The following BARX2 variants were observed in gnomAD, a reference collection of about 807,000 sequenced individuals.
BARX2 encodes BARX homeobox 2, also known as homeobox protein BarH-like 2.
A neutral mutation model predicts 25.5 loss-of-function variants in BARX2; 11 were observed. That is an observed-to-expected ratio of 0.43 (90% CI 0.27 to 0.71). BARX2 has a LOEUF of 0.71. Ranked by LOEUF, BARX2 falls within the 30% of genes least tolerant of loss-of-function variation. The pLI is 0.19. For synonymous variants in BARX2, 137 were observed against 149.5 expected (o/e 0.92, Z 0.61); for missense variants, 360 against 359.9 (o/e 1.00, Z 0.00).
intron 1 of BARX2, among the ~76,000 whole-genome samples, chr11:129,423,913 G>A (rs1862036365): frequency 6.7e-6 from 1 of 149,992 alleles, no homozygotes; most frequent in Admixed American, 6.6e-5. Context: ...AGGCTGGAGT[G>A]CAGTTGGCTC....
At chr11:129,399,365 T>TTC (rs148258067) in intron 1 of BARX2, among the ~76,000 whole-genome samples, 2 of 151,940 alleles carry the variant, frequency 1.3e-5, no homozygotes, top group East Asian at 3.9e-4. Flanking sequence ...TCTAGAGACC[T>TTC]TCTCTCTCTC....
intron 1 of BARX2, among the ~76,000 whole-genome samples, chr11:129,377,335 C>G (rs1032065102): frequency 6.6e-6 from 1 of 152,132 alleles, no homozygotes; most frequent in Non-Finnish European, 1.5e-5. Context: ...CATTGATAGT[C>G]CCTATATGAC....
At chr11:129,384,531 A>T (rs1191234005) in intron 1 of BARX2, among the ~76,000 whole-genome samples, 4 of 152,180 alleles carry the variant, frequency 2.6e-5, no homozygotes, top group African/African-American at 9.7e-5. Context: ...AAGAGGTCAC[A>T]GTCTCGTGTG....
intron 1 of BARX2, among the ~76,000 whole-genome samples, chr11:129,391,625 A>G (rs1818003964): frequency 6.6e-6 from 1 of 152,206 alleles, no homozygotes; most frequent in Non-Finnish European, 1.5e-5. Context: ...GAAAGACCCG[A>G]CAGTGGGAGT....
chr11:129,393,507 T>G (rs1026676397), intron 1 of BARX2, among the ~76,000 whole-genome samples: 1 of 151,900 alleles, frequency 6.6e-6, no homozygotes, highest in Non-Finnish European at 1.5e-5. Flanking sequence ...ATCCCTAGAA[T>G]GATTAGGATA....
chr11:129,399,063 C>T (rs976512819), intron 1 of BARX2, among the ~76,000 whole-genome samples: 1 of 152,208 alleles, frequency 6.6e-6, no homozygotes, highest in Non-Finnish European at 1.5e-5. Flanking sequence ...ACACTTTTCT[C>T]AATGTTCAAG....
chr11:129,421,668 G>C (rs900539397), intron 1 of BARX2, among the ~76,000 whole-genome samples: 11 of 152,166 alleles, frequency 7.2e-5, no homozygotes, highest in Non-Finnish European at 1.3e-4. Flanking sequence ...TATTTTGGGG[G>C]CCTTGCCAGA....
chr11:129,423,555 TC>T (rs1364088185), intron 1 of BARX2, among the ~76,000 whole-genome samples: 7 of 152,292 alleles, frequency 4.6e-5, no homozygotes, highest in African/African-American at 1.7e-4. Context: ...TGTGCACATC[TC>T]CCCAGCATGC....
At chr11:129,429,093 A>G (rs1862100953) in intron 1 of BARX2, among the ~76,000 whole-genome samples, 1 of 152,018 alleles carries the variant, frequency 6.6e-6, no homozygotes, top group Non-Finnish European at 1.5e-5. Context: ...TCATTTTTAA[A>G]TAACCAGCAA....
intron 1 of BARX2, among the ~76,000 whole-genome samples, chr11:129,391,959 C>T (rs949691077): frequency 2.6e-5 from 4 of 152,128 alleles, no homozygotes; most frequent in African/African-American, 9.7e-5. Flanking sequence ...TGCTGCCCAT[C>T]CCTAGAAGTA....
In BARX2 at chr11:129,376,317, T is replaced by C. The variant is rs1328369063; in HGVS notation, c.187+95T>C. ...GCGATCCGAGGGCGAGAGGAAGGGT[T>C]AAGTTAAGGGATTCTTTTCCTGCGC... On this transcript the variant is annotated intron_variant, in intron 1 of 3. Coordinates refer to ENST00000281437, the MANE Select transcript of BARX2 (RefSeq NM_003658.5). This position sits in a 1 kb window ranked among gnomAD's most constrained non-coding sequence, Gnocchi z 4.2. 8.2e-7 allele frequency: 1 copy of C among 1,212,974 alleles called. No individual in the cohort carries two copies. Among genetic ancestry groups the C allele is most frequent in the Non-Finnish European group, 1.1e-6 (1 of 878,522 alleles). The allele number at this position is 1,212,974 out of a possible 1,614,324, so 75.1% of individuals were successfully genotyped here. A position where few individuals can be genotyped will look rare whatever the true frequency, so the allele number is the denominator to read the frequency against.
chr11:129,443,690 A>G (rs1420555023), intron 3 of BARX2, among the ~76,000 whole-genome samples: 3 of 152,212 alleles, frequency 2.0e-5, no homozygotes, highest in Non-Finnish European at 2.9e-5. Context: ...ATTAGAATAG[A>G]TACATCCCTA....
intron 1 of BARX2, among the ~76,000 whole-genome samples, chr11:129,377,351 G>A (rs1363191847): frequency 2.0e-5 from 3 of 152,346 alleles, no homozygotes; most frequent in Middle Eastern, 3.4e-3. Flanking sequence ...ATGACAATCA[G>A]TAAACATATG....
At chr11:129,440,676 CTG>C (rs1862245411) in intron 2 of BARX2, among the ~76,000 whole-genome samples, 1 of 152,184 alleles carries the variant, frequency 6.6e-6, no homozygotes, top group Non-Finnish European at 1.5e-5. Flanking sequence ...AAGGAAGACT[CTG>C]TGTATTATTG....
intron 1 of BARX2, among the ~76,000 whole-genome samples, chr11:129,395,375 A>G (rs887376130): frequency 6.6e-6 from 1 of 152,212 alleles, no homozygotes; most frequent in Non-Finnish European, 1.5e-5. Context: ...TTGTGTCAAC[A>G]AATAATGGCA....
intron 1 of BARX2, among the ~76,000 whole-genome samples, chr11:129,391,841 G>T (rs1861669160): frequency 6.6e-6 from 1 of 152,160 alleles, no homozygotes; most frequent in Non-Finnish European, 1.5e-5. Flanking sequence ...TTTCCCAGGG[G>T]GAATCTGAGG....
At chr11:129,427,487 C>T (rs58801399) in intron 1 of BARX2, among the ~76,000 whole-genome samples, 36,808 of 150,202 alleles carry the variant, frequency 0.25, 4,471 homozygotes, top group Middle Eastern at 0.31. Flanking sequence ...TTTGTGTGTG[C>T]GTTGTTTATG....
intron 1 of BARX2, among the ~76,000 whole-genome samples, chr11:129,396,156 G>C (rs1280064017): frequency 1.3e-5 from 2 of 152,104 alleles, no homozygotes; most frequent in Non-Finnish European, 2.9e-5. Flanking sequence ...AGCAAAGACT[G>C]TTCCTTCATC....
At chr11:129,417,022 C>A (rs1234376220) in intron 1 of BARX2, among the ~76,000 whole-genome samples, 1 of 151,966 alleles carries the variant, frequency 6.6e-6, no homozygotes. Context: ...CTGCCTCAGC[C>A]TCCCCAGTAG....
Sources: gnomAD v4.1 joint callset for allele counts (sites outside exome capture counted in the v4.1 genomes callset) on GRCh38, gnomAD v4.1.1 for gene constraint, Gnocchi (gnomAD v3.1) non-coding constraint, MANE v1.5 for transcripts, NCBI Gene and HGNC (gene_info 2026-07-23, HGNC 2026-07-21) for gene names.